The following SNTG2 variants were observed in gnomAD, a reference collection of about 807,000 sequenced individuals.
The protein encoded by SNTG2 is syntrophin gamma 2.
Under a neutral mutation model 70.9 loss-of-function variants are expected in SNTG2, and 74 were observed. That is an observed-to-expected ratio of 1.04 (90% CI 0.86 to 1.27). The LOEUF is 1.27. Ranked by LOEUF, SNTG2 falls within the 50% of genes most tolerant of loss-of-function variation. The probability of loss-of-function intolerance (pLI) is 0.00; values close to 1 mark genes in which losing one functional copy is unlikely to be tolerated. For synonymous variants in SNTG2, 278 were observed against 273.8 expected (o/e 1.02, Z -0.15); for missense variants, 717 against 690.7 (o/e 1.04, Z -0.43).
chr2:1,147,945 A>G (rs1399825669), intron 6 of SNTG2, among the ~76,000 whole-genome samples: 1 of 152,278 alleles, frequency 6.6e-6, no homozygotes, highest in Non-Finnish European at 1.5e-5. Context: ...ATGTGATTTT[A>G]AAAGAAGAGA....
At chr2:1,181,155 CATGTATACAT>C (rs1469192116) in intron 8 of SNTG2, among the ~76,000 whole-genome samples, 1 of 152,146 alleles carries the variant, frequency 6.6e-6, no homozygotes, top group Non-Finnish European at 1.5e-5. Flanking sequence ...CAACATGGCA[CATGTATACAT>C]ATGTAACTAA....
At chr2:1,289,320 C>T (rs913351134) in intron 14 of SNTG2, among the ~76,000 whole-genome samples, 1 of 152,066 alleles carries the variant, frequency 6.6e-6, no homozygotes, top group African/African-American at 2.4e-5. Flanking sequence ...GCCCTTCCCT[C>T]ATCTTTCCTG....
chr2:952,898 A>G (rs565643277), intron 1 of SNTG2, among the ~76,000 whole-genome samples: 1 of 152,372 alleles, frequency 6.6e-6, no homozygotes, highest in South Asian at 2.1e-4. Context: ...TCCTTACTTA[A>G]TGGCAGAATT....
intron 8 of SNTG2, among the ~76,000 whole-genome samples, chr2:1,179,509 G>C (rs956787705): frequency 6.6e-5 from 10 of 151,922 alleles, no homozygotes; most frequent in Non-Finnish European, 1.3e-4. Context: ...CAACTTACAA[G>C]GGATGTGAAG....
chr2:1,213,486 C>T (rs921457764), intron 9 of SNTG2, among the ~76,000 whole-genome samples: 1 of 152,166 alleles, frequency 6.6e-6, no homozygotes, highest in Non-Finnish European at 1.5e-5. Flanking sequence ...GCTTTGCATA[C>T]ATTTAAGAAA....
intron 1 of SNTG2, among the ~76,000 whole-genome samples, chr2:1,037,044 G>C (rs1310949746): frequency 6.6e-6 from 1 of 152,236 alleles, no homozygotes; most frequent in Non-Finnish European, 1.5e-5. Context: ...GCTGCCTGAA[G>C]TTCACTGGTC....
chr2:1,017,805 G>T (rs184955360), intron 1 of SNTG2, among the ~76,000 whole-genome samples: 2 of 152,338 alleles, frequency 1.3e-5, no homozygotes, highest in Admixed American at 1.3e-4. Context: ...GGGTTGTCGT[G>T]AGGGCAGTGT....
chr2:1,295,028 G>A (rs1276310738), intron 14 of SNTG2, among the ~76,000 whole-genome samples: 1 of 152,246 alleles, frequency 6.6e-6, no homozygotes, highest in African/African-American at 2.4e-5. Context: ...TGCGCTGAGT[G>A]TGAAGGATCC....
At chr2:1,356,914 G>A (rs1660880889) in intron 16 of SNTG2, among the ~76,000 whole-genome samples, 1 of 150,714 alleles carries the variant, frequency 6.6e-6, no homozygotes, top group Non-Finnish European at 1.5e-5. Context: ...TATTTTACTT[G>A]TTTTGATGCT....
chr2:1,003,612 G>A (rs1015663030), intron 1 of SNTG2, among the ~76,000 whole-genome samples: 2 of 152,098 alleles, frequency 1.3e-5, no homozygotes, highest in Non-Finnish European at 2.9e-5. Flanking sequence ...TCTTACCTTG[G>A]GTGCATTTGC....
chr2:1,185,708 A>G (rs1672203434), intron 8 of SNTG2, among the ~76,000 whole-genome samples: 2 of 152,200 alleles, frequency 1.3e-5, no homozygotes, highest in Non-Finnish European at 2.9e-5. Context: ...CCAAGATTGC[A>G]CAGGGCAGCA....
At chr2:1,092,060 T>A (rs1369879330) in intron 2 of SNTG2, among the ~76,000 whole-genome samples, 3 of 152,218 alleles carry the variant, frequency 2.0e-5, no homozygotes, top group Non-Finnish European at 4.4e-5. Flanking sequence ...GAAGAAACAA[T>A]GCCTCCTGAC....
At chr2:1,109,454 G>A (rs796695966) in intron 4 of SNTG2, among the ~76,000 whole-genome samples, 51 of 152,212 alleles carry the variant, frequency 3.4e-4, no homozygotes, top group African/African-American at 1.1e-3. Flanking sequence ...CTTGTCATAC[G>A]AAAATAACTT....
intron 9 of SNTG2, among the ~76,000 whole-genome samples, chr2:1,228,135 A>G (rs115871168): frequency 4.6e-4 from 70 of 152,250 alleles, no homozygotes; most frequent in African/African-American, 1.7e-3. Context: ...TCCCGTGCAC[A>G]CTCAGCCCTG....
At position 1,173,180 on chromosome 2, in the gene SNTG2, C is replaced by T; in HGVS notation, c.588C>T (p.Thr196=). The change falls in exon 8 of 17, where the codon ACC becomes ACT. Residue 196 remains threonine, a synonymous_variant. Transcript: ENST00000308624. ...TGCATCTGAACGGAAACTCCAGTAC[C>T]ACAGTAAGCATATAGATTTTTGTTA... is the stretch of plus-strand genomic sequence containing the variant. The part of the protein sequence containing the change: ...SGLHLNGNSS[T]TAPSSPSSPI... 2 of 1,613,398 alleles carry T rather than the reference C, an allele frequency of 1.2e-6. No homozygotes were observed. Among genetic ancestry groups the T allele is most frequent in the South Asian group, 1.1e-5 (1 of 91,050 alleles).
chr2:1,197,828 T>C (rs1291948148), intron 8 of SNTG2, among the ~76,000 whole-genome samples: 1 of 152,128 alleles, frequency 6.6e-6, no homozygotes. Flanking sequence ...CCAACATGCC[T>C]GACCCAGAGC....
chr2:1,124,858 T>C (rs1210294221), intron 4 of SNTG2, among the ~76,000 whole-genome samples: 1 of 152,064 alleles, frequency 6.6e-6, no homozygotes, highest in African/African-American at 2.4e-5. Context: ...GCGAGCGAGT[T>C]GAGAGGTCCA....
chr2:1,011,427 C>G (rs1659725589), intron 1 of SNTG2, among the ~76,000 whole-genome samples: 1 of 152,216 alleles, frequency 6.6e-6, no homozygotes, highest in Non-Finnish European at 1.5e-5. Flanking sequence ...CATCAGTACA[C>G]ATATAATTTA....
chr2:1,213,548 T>C (rs912854691), intron 9 of SNTG2, among the ~76,000 whole-genome samples: 2 of 152,086 alleles, frequency 1.3e-5, no homozygotes, highest in South Asian at 2.1e-4. Flanking sequence ...TCATTCAGGG[T>C]TGGGGAGACT....
Sources: gnomAD v4.1 joint callset for allele counts (sites outside exome capture counted in the v4.1 genomes callset) on GRCh38, gnomAD v4.1.1 for gene constraint, MANE v1.5 for transcripts, NCBI Gene and HGNC (gene_info 2026-07-23, HGNC 2026-07-21) for gene names.